Variants in SIPA1L2 observed in about 807,000 individuals in gnomAD.
The protein encoded by SIPA1L2 is signal induced proliferation associated 1 like 2.
Under a neutral mutation model 163.9 loss-of-function variants are expected in SIPA1L2, and 56 were observed. The observed-to-expected ratio is 0.34, with a 90% CI of 0.28 to 0.43. The LOEUF (loss-of-function observed/expected upper bound fraction) is 0.43. Among genes scored for constraint, SIPA1L2 ranks in the 20% least tolerant of loss-of-function variants. The pLI is 1.00. For synonymous variants in SIPA1L2, 877 were observed against 865.7 expected (o/e 1.01, Z -0.23); for missense variants, 1,974 against 2,193.5 (o/e 0.90, Z 2.00).
intron 1 of SIPA1L2, among the ~76,000 whole-genome samples, chr1:232,575,885 C>G (rs1364867164): frequency 6.6e-6 from 1 of 152,162 alleles, no homozygotes; most frequent in African/African-American, 2.4e-5. Context: ...CATAGAAGAA[C>G]CCTGAAGATA....
chr1:232,580,990 T>A (rs908178065), intron 1 of SIPA1L2, among the ~76,000 whole-genome samples: 1 of 152,162 alleles, frequency 6.6e-6, no homozygotes, highest in Non-Finnish European at 1.5e-5. Flanking sequence ...GAATGGCCCA[T>A]AGCACCTATA....
At chr1:232,411,327 ATAACAT>A (rs1479999265) in intron 19 of SIPA1L2, among the ~76,000 whole-genome samples, 1 of 152,186 alleles carries the variant, frequency 6.6e-6, no homozygotes, top group Admixed American at 6.5e-5. Flanking sequence ...GGGAGAGGTA[ATAACAT>A]TCCTATCCTA....
intron 1 of SIPA1L2, among the ~76,000 whole-genome samples, chr1:232,624,826 G>C (rs1014902754): frequency 1.4e-4 from 22 of 152,276 alleles, no homozygotes; most frequent in Non-Finnish European, 3.1e-4. Context: ...AACAAAACCG[G>C]AAGAGACTGT....
chr1:232,508,708 G>A (rs1047037172), intron 3 of SIPA1L2, among the ~76,000 whole-genome samples: 1 of 152,316 alleles, frequency 6.6e-6, no homozygotes, highest in Middle Eastern at 3.4e-3. Context: ...TGTGACAAAC[G>A]GCACCAATGT....
intron 2 of SIPA1L2, among the ~76,000 whole-genome samples, chr1:232,516,667 C>T (rs1045895636): frequency 4.0e-5 from 6 of 151,878 alleles, no homozygotes; most frequent in Non-Finnish European, 8.8e-5. Context: ...AAGCAACTGC[C>T]ACCATAAGAA....
intron 1 of SIPA1L2, among the ~76,000 whole-genome samples, chr1:232,608,933 A>C: frequency 6.6e-6 from 1 of 152,184 alleles, no homozygotes; most frequent in East Asian, 1.9e-4. Flanking sequence ...CGGTCTTCTT[A>C]AAGTCAAACA....
chr1:232,545,783 T>C (rs150749291), intron 2 of SIPA1L2, among the ~76,000 whole-genome samples: 1 of 152,364 alleles, frequency 6.6e-6, no homozygotes, highest in East Asian at 1.9e-4. Flanking sequence ...TAATAGTATA[T>C]ATGCGATAAT....
At chr1:232,443,483 T>G (rs192477645) in intron 12 of SIPA1L2, 119 bp downstream of exon 12, 29 of 660,744 alleles carry the variant, frequency 4.4e-5, no homozygotes, top group Middle Eastern at 5.3e-4. Context: ...AAAGCATGTC[T>G]GGCATTATTA....
In SIPA1L2 at chr1:232,443,646, T is replaced by A; in HGVS notation, c.3393A>T (p.Gly1131=). Residue 1131 remains glycine (G), a synonymous_variant, in exon 12 of 23, where the codon GGA becomes GGT. Coordinates refer to ENST00000674635, the MANE Select transcript of SIPA1L2 (RefSeq NM_020808.5). The part of the protein sequence containing the change: ...PSNQSSSSDP[G]PGGSGPWRPQ... ...GTCTCCAGGGTCCGCTCCCGCCGGG[T>A]CCAGGGTCGCTGGAGGATGACTGGT... 1 of 1,609,458 alleles carries A rather than the reference T, an allele frequency of 6.2e-7. No individual in the cohort carries two copies.
chr1:232,537,073 A>C (rs1030459187), intron 2 of SIPA1L2, among the ~76,000 whole-genome samples: 58 of 152,074 alleles, frequency 3.8e-4, no homozygotes, highest in African/African-American at 1.4e-3. Context: ...CTGTTTGTAC[A>C]AGAAATAGAA....
At chr1:232,427,763 G>A (rs1157404094) in intron 17 of SIPA1L2, among the ~76,000 whole-genome samples, 1 of 152,202 alleles carries the variant, frequency 6.6e-6, no homozygotes, top group Non-Finnish European at 1.5e-5. Flanking sequence ...TGAACTTGGG[G>A]TTGGTTTATG....
chr1:232,609,656 C>T (rs1036075464), intron 1 of SIPA1L2, among the ~76,000 whole-genome samples: 6 of 151,876 alleles, frequency 4.0e-5, no homozygotes, highest in Admixed American at 1.3e-4. Flanking sequence ...TAGTGAAACC[C>T]TGTCTCTACT....
chr1:232,617,580 G>A (rs1371988018), intron 1 of SIPA1L2, among the ~76,000 whole-genome samples: 1 of 152,050 alleles, frequency 6.6e-6, no homozygotes, highest in Non-Finnish European at 1.5e-5. Context: ...ACACAAGAGT[G>A]CATACTGCAT....
rs35775895 is a variant in SIPA1L2 at position 232,441,403 on chromosome 1, TAA to T, written c.3539-11_3539-10del. The T allele has an allele frequency of 6.3e-7, 1 of 1,596,040 alleles. No individual in the cohort carries two copies. On this transcript the variant is annotated splice_polypyrimidine_tract_variant and intron_variant, in intron 13 of 22. Transcript: ENST00000674635. ...GCCATGCCATTTGGTTTCTGTCACA[TAA>T]AAAGAGAGGAGTTGAATTTCCAATT...
chr1:232,465,140 C>T lies in SIPA1L2; in HGVS notation c.2520G>A (p.Lys840=), dbSNP rs1664441222. ...FITLGAKKKE[K]VKPRKDAHLF... ...AGTGGGCATCCTTCCTTGGCTTTAC[C>T]TTCTCCTTTTTCTTCGCACCCAGCG... The change falls in exon 9 of 23, where the codon AAG becomes AAA. Residue 840 remains lysine, a synonymous_variant. Coordinates refer to ENST00000674635, the MANE Select transcript of SIPA1L2 (RefSeq NM_020808.5). The surrounding 1 kb of genome is among the most constrained non-coding windows in gnomAD (Gnocchi z 4.1). The T allele has an allele frequency of 6.2e-7, 1 of 1,614,190 alleles. No individual in the cohort carries two copies.
intron 1 of SIPA1L2, among the ~76,000 whole-genome samples, chr1:232,613,275 AG>A (rs1384450792): frequency 1.8e-4 from 28 of 152,324 alleles, no homozygotes; most frequent in Admixed American, 6.5e-4. Context: ...TGGAAAAGTG[AG>A]CAGTACTTTT....
intron 3 of SIPA1L2, among the ~76,000 whole-genome samples, chr1:232,503,948 T>C (rs1251838805): frequency 6.6e-6 from 1 of 152,116 alleles, no homozygotes; most frequent in Non-Finnish European, 1.5e-5. Flanking sequence ...CCCAGCACTT[T>C]GGGAGGCAGA....
intron 3 of SIPA1L2, among the ~76,000 whole-genome samples, chr1:232,505,669 GGAGCCCGTGC>G (rs1278154172): frequency 6.6e-6 from 1 of 152,142 alleles, no homozygotes; most frequent in Non-Finnish European, 1.5e-5. Flanking sequence ...ACGGCCACAT[GGAGCCCGTGC>G]GACCACAGCC....
At chr1:232,562,515 C>A (rs1417756348) in intron 2 of SIPA1L2, among the ~76,000 whole-genome samples, 3 of 152,146 alleles carry the variant, frequency 2.0e-5, no homozygotes, top group Admixed American at 6.5e-5. Flanking sequence ...TAAATAATAC[C>A]CAATCTATTA....
Sources: gnomAD v4.1 joint callset for allele counts (sites outside exome capture counted in the v4.1 genomes callset) on GRCh38, gnomAD v4.1.1 for gene constraint, Gnocchi (gnomAD v3.1) non-coding constraint, MANE v1.5 for transcripts, NCBI Gene and HGNC (gene_info 2026-07-23, HGNC 2026-07-21) for gene names.